The following COBLL1 variants were observed in gnomAD, a reference collection of about 807,000 sequenced individuals.
The protein encoded by COBLL1 is cordon-bleu protein-like 1.
A neutral mutation model predicts 94.8 loss-of-function variants in COBLL1; 50 were observed. The observed-to-expected ratio is 0.53, with a 90% CI of 0.42 to 0.67. COBLL1 has a LOEUF of 0.67. COBLL1 is among the 30% of genes least tolerant of loss of function. The pLI, the probability that COBLL1 is intolerant of heterozygous loss-of-function variation, is 0.00. For synonymous variants in COBLL1, 448 were observed against 473.8 expected (o/e 0.95, Z 0.71); for missense variants, 1,362 against 1,348.7 (o/e 1.01, Z -0.15).
At chr2:164,821,337 A>G (rs1172862793) in intron 2 of COBLL1, among the ~76,000 whole-genome samples, 1 of 152,224 alleles carries the variant, frequency 6.6e-6, no homozygotes, top group Non-Finnish European at 1.5e-5. Context: ...TGTGCTGTCA[A>G]GAGAACGAAC....
chr2:164,758,528 G>A (rs1394672386), intron 2 of COBLL1, among the ~76,000 whole-genome samples: 4 of 152,124 alleles, frequency 2.6e-5, no homozygotes, highest in South Asian at 2.1e-4. Flanking sequence ...AGCAGCAGCT[G>A]GACTCAACAT....
rs1410982278 is a variant in COBLL1, at chr2:164,735,061, G to A, written c.231-4946C>T. ...CAGGCCAGCCTTACTTAGATCTTAA[G>A]CAGCAGAGTGACCTCAAGAAGTTAA... On this transcript the variant is annotated intron_variant, in intron 3 of 13. Transcript: ENST00000652658. Among the ~76,000 whole-genome samples the A allele has an allele frequency of 3.9e-5, 6 of 152,308 alleles. No individual in the cohort carries two copies. The East Asian group carries it at 1.2e-3, about 29-fold the overall frequency.
intron 2 of COBLL1, among the ~76,000 whole-genome samples, chr2:164,804,054 T>C (rs1163153042): frequency 1.5e-5 from 2 of 137,002 alleles, no homozygotes; most frequent in Admixed American, 8.4e-5. Flanking sequence ...GAGATAAGGC[T>C]AGGGAGGAGG....
intron 2 of COBLL1, among the ~76,000 whole-genome samples, chr2:164,662,324 A>T (rs1458409846): frequency 1.3e-5 from 2 of 152,170 alleles, no homozygotes; most frequent in East Asian, 3.9e-4. Flanking sequence ...TAAGATTACA[A>T]GTAGACCTTG....
rs180701291 is a variant in COBLL1 at position 164,787,303 on chromosome 2, C to T, written c.42-43428G>A. 7.9e-5 allele frequency among the ~76,000 whole-genome samples: 12 copies of T among 152,252 alleles called. No homozygotes were observed. In the East Asian group the frequency reaches 1.4e-3, roughly 17 times the overall value. On this transcript the variant is annotated intron_variant, in intron 2 of 13. Transcript: ENST00000652658. ...ACATCTCCACATCAGAAAAGTCAAA[C>T]ATATCAAATGTAATGATTATAATGT...
intron 9 of COBLL1, among the ~76,000 whole-genome samples, chr2:164,703,860 T>C (rs562746630): frequency 3.6e-4 from 55 of 152,312 alleles, no homozygotes; most frequent in Admixed American, 1.1e-3. Context: ...TCATACTTCT[T>C]AGAAAAGCTA....
At chr2:164,818,103 CAT>C (rs146217759) in intron 2 of COBLL1, among the ~76,000 whole-genome samples, 1,723 of 151,306 alleles carry the variant, frequency 0.011, 30 homozygotes, top group African/African-American at 0.04. Context: ...TATATACACA[CAT>C]ATATACACGT....
chr2:164,732,341 C>T (rs191411046), intron 3 of COBLL1, among the ~76,000 whole-genome samples: 7 of 152,276 alleles, frequency 4.6e-5, no homozygotes, highest in African/African-American at 1.4e-4. Context: ...CATGTTTTGG[C>T]TTTAAACAGG....
rs192468930 is a variant in COBLL1 at position 164,796,899 on chromosome 2, C to T, written c.41+44257G>A. 2.0e-5 allele frequency among the ~76,000 whole-genome samples: 3 copies of T among 152,000 alleles called. No homozygotes were observed. In the East Asian group the frequency reaches 5.8e-4, roughly 29 times the overall value. On this transcript the variant is annotated intron_variant, in intron 2 of 13. Transcript: ENST00000652658. ...CTGAGGCAGGAGGATTGCCTGAGCCCAGGAGTTCAAGGTTACTGTGAGCTA... is the reference window on the plus strand; with the variant it reads ...CTGAGGCAGGAGGATTGCCTGAGCCTAGGAGTTCAAGGTTACTGTGAGCTA...
intron 2 of COBLL1, among the ~76,000 whole-genome samples, chr2:164,798,630 G>A (rs992754651): frequency 6.6e-6 from 1 of 152,162 alleles, no homozygotes; most frequent in Non-Finnish European, 1.5e-5. Context: ...TACTCAGGGG[G>A]ACTATCTGCT....
At chr2:164,696,968 T>C (rs1029686985) in intron 11 of COBLL1, 1 of 152,142 alleles carries the variant, frequency 6.6e-6, no homozygotes, top group African/African-American at 2.4e-5. Context: ...TATTTCTCTA[T>C]AGTTTTATCA....
In COBLL1 at chr2:164,818,331, T is replaced by C. The variant is rs937144698; in HGVS notation, c.41+22825A>G. The stretch of plus-strand genomic sequence containing the variant: ...ACATATACACGTGTGTATGTATACA[T>C]ATATGTATATATACATATGTGCATA... On this transcript the variant is annotated intron_variant, in intron 2 of 13. Coordinates refer to ENST00000652658, the MANE Select transcript of COBLL1 (RefSeq NM_001365672.2). 3.0e-4 allele frequency among the ~76,000 whole-genome samples: 29 copies of C among 98,154 alleles called. 1 individual carries two copies. The highest frequency in any genetic ancestry group is 5.6e-3 in the Middle Eastern group (1 of 178). The allele number at this position is 98,154 out of a possible 152,430, so 64.4% of individuals were successfully genotyped here.
intron 3 of COBLL1, among the ~76,000 whole-genome samples, chr2:164,732,950 G>C (rs1013688955): frequency 1.3e-5 from 2 of 152,146 alleles, no homozygotes; most frequent in African/African-American, 4.8e-5. Flanking sequence ...AGCTACTTGG[G>C]AGGCTGAGGC....
chr2:164,807,254 T>C (rs2105332606), intron 2 of COBLL1, among the ~76,000 whole-genome samples: 1 of 151,914 alleles, frequency 6.6e-6, no homozygotes, highest in African/African-American at 2.4e-5. Context: ...AAGACCAGCT[T>C]GACCAACATG....
chr2:164,746,276 A>G (rs542839037), intron 2 of COBLL1, among the ~76,000 whole-genome samples: 97 of 152,308 alleles, frequency 6.4e-4, no homozygotes, highest in African/African-American at 2.1e-3. Flanking sequence ...AGTCTCAACG[A>G]AACAACCAGA....
chr2:164,834,467 T>C (rs1307618104), intron 2 of COBLL1, among the ~76,000 whole-genome samples: 2 of 152,246 alleles, frequency 1.3e-5, no homozygotes, highest in Non-Finnish European at 1.5e-5. Flanking sequence ...CAAAATCCCC[T>C]AGTATAAGAT....
In COBLL1 at chr2:164,818,600, CAT is replaced by C. The variant is rs1201946117; in HGVS notation, c.41+22554_41+22555del. Among the ~76,000 whole-genome samples the C allele has an allele frequency of 5.1e-5, 7 of 137,906 alleles. No homozygotes were observed. In the East Asian group the frequency reaches 8.0e-4, roughly 16 times the overall value. 90.5% of individuals were successfully genotyped at this position (137,906 alleles called of 152,430 possible). Reference sequence around the variant, plus strand: ...TATGTACATATGTACACATATATAGCATATGTGTACATATGTACACATATATG... The same window carrying C: ...TATGTACATATGTACACATATATAGCATGTGTACATATGTACACATATATG... On this transcript the variant is annotated intron_variant, in intron 2 of 13. Coordinates refer to ENST00000652658, the MANE Select transcript of COBLL1 (RefSeq NM_001365672.2).
intron 7 of COBLL1, 111 bp downstream of exon 7, chr2:164,721,964 G>T: frequency 1.3e-6 from 1 of 752,370 alleles, no homozygotes; most frequent in Non-Finnish European, 2.2e-6. Flanking sequence ...ATTACCAACT[G>T]TTATAGGACT....
intron 2 of COBLL1, among the ~76,000 whole-genome samples, chr2:164,664,015 C>T (rs1007685620): frequency 6.6e-6 from 1 of 152,286 alleles, no homozygotes; most frequent in East Asian, 1.9e-4. Flanking sequence ...TAATCTTATA[C>T]TTAAAATAAA....
Sources: allele counts gnomAD v4.1 joint callset (sites outside exome capture counted in the v4.1 genomes callset), GRCh38; gene constraint gnomAD v4.1.1; transcripts MANE v1.5; gene names NCBI Gene and HGNC (gene_info 2026-07-23, HGNC 2026-07-21).